Variants in USP28 observed in about 807,000 individuals in gnomAD.
USP28 encodes ubiquitin carboxyl-terminal hydrolase 28.
In USP28, 113 loss-of-function variants were observed where a neutral mutation model predicts 145.0. The ratio of observed to expected loss-of-function variants is 0.78; its 90% CI spans 0.67 to 0.91. The LOEUF is 0.91. USP28 is among the 40% of genes least tolerant of loss of function. The pLI is 0.00. For missense variants in USP28, 1,201 were observed against 1,289.6 expected, an observed-to-expected ratio of 0.93 and a Z score of 1.05; for synonymous variants, 447 against 450.9, an observed-to-expected ratio of 0.99 and a Z score of 0.11.
chr11:113,849,898 C>G (rs1037494719), intron 3 of USP28, among the ~76,000 whole-genome samples: 1 of 152,202 alleles, frequency 6.6e-6, no homozygotes, highest in Non-Finnish European at 1.5e-5. Context: ...CTGGGTTTTA[C>G]TATCCCAACA....
intron 15 of USP28, among the ~76,000 whole-genome samples, chr11:113,813,015 T>C (rs1019550496): frequency 6.6e-6 from 1 of 152,208 alleles, no homozygotes; most frequent in Non-Finnish European, 1.5e-5. Context: ...ATGACATACT[T>C]GTTTGTTACA....
At chr11:113,808,785 C>T (rs1290561371) in intron 17 of USP28, among the ~76,000 whole-genome samples, 1 of 152,320 alleles carries the variant, frequency 6.6e-6, no homozygotes, top group Non-Finnish European at 1.5e-5. Context: ...TACCTATTAA[C>T]CCTATCATAG....
At chr11:113,872,315 T>C (rs947492022) in intron 1 of USP28, among the ~76,000 whole-genome samples, 1 of 151,928 alleles carries the variant, frequency 6.6e-6, no homozygotes, top group African/African-American at 2.4e-5. Flanking sequence ...TGAAACCCCG[T>C]CTCTACTAAA....
At chr11:113,840,079 C>T (rs1945028782) in intron 5 of USP28, among the ~76,000 whole-genome samples, 1 of 152,144 alleles carries the variant, frequency 6.6e-6, no homozygotes, top group African/African-American at 2.4e-5. Flanking sequence ...CCAAATTATT[C>T]CTCCTCCAGG....
chr11:113,874,447 A>ATTTT, intron 1 of USP28: 1 of 1,105,550 alleles, frequency 9.0e-7, no homozygotes, highest in Non-Finnish European at 1.2e-6. Context: ...AAAAAAAAAA[A>ATTTT]AAGTGTCTCC....
At chr11:113,858,879 GA>G (rs1947349770) in intron 1 of USP28, among the ~76,000 whole-genome samples, 1 of 152,160 alleles carries the variant, frequency 6.6e-6, no homozygotes, top group African/African-American at 2.4e-5. Context: ...AAAGTGTTGG[GA>G]TTACAGGCAT....
At chr11:113,810,781 T>A (rs1940851376) in intron 16 of USP28, among the ~76,000 whole-genome samples, 1 of 152,196 alleles carries the variant, frequency 6.6e-6, no homozygotes, top group Non-Finnish European at 1.5e-5. Flanking sequence ...TTCAAGCAAT[T>A]CTCCTGCCTC....
intron 23 of USP28, among the ~76,000 whole-genome samples, chr11:113,802,869 T>C (rs552501995): frequency 6.6e-6 from 1 of 152,212 alleles, no homozygotes; most frequent in Non-Finnish European, 1.5e-5. Context: ...ATTTACAACC[T>C]AGTAGGAAAG....
intron 11 of USP28, among the ~76,000 whole-genome samples, chr11:113,826,336 C>CTTTTT (rs1565394775): frequency 1.7e-5 from 2 of 115,184 alleles, no homozygotes; most frequent in African/African-American, 6.3e-5. Context: ...CCACCACACC[C>CTTTTT]ATTTTTTTTT....
At chr11:113,822,454 AAAACAGAGAGAG>A (rs1181375553) in intron 12 of USP28, 2 of 119,670 alleles carry the variant, frequency 1.7e-5, no homozygotes, top group Non-Finnish European at 3.5e-5. Context: ...ATCTTCAAAA[AAAACAGAGAGAG>A]AGAGAGAGAG....
rs7944681 is a variant in USP28, at chr11:113,831,861, T to C, written c.833+59A>G. On this transcript the variant is annotated intron_variant, in intron 8 of 24. Transcript: ENST00000003302. ...TTAAGGAGAGTAACTTTCCAGCATATAATTCTCACTGGCCCACTGTGAGTC... is the reference window on the plus strand; with the variant it reads ...TTAAGGAGAGTAACTTTCCAGCATACAATTCTCACTGGCCCACTGTGAGTC... 3,368 of 1,535,296 alleles carry C rather than the reference T, an allele frequency of 2.2e-3. 63 individuals carry two copies. The African/African-American group carries it at 0.039, about 18-fold the overall frequency.
chr11:113,841,645 A>T lies in USP28; in HGVS notation c.374+18T>A. On this transcript the variant is annotated intron_variant, in intron 4 of 24. Coordinates refer to ENST00000003302, the Ensembl canonical transcript of USP28. ...CACACAAATGTGGGGGGCAAGAATTATAAGTTAAATCAATAACCTGTTAAG... is the reference window on the plus strand; with the variant it reads ...CACACAAATGTGGGGGGCAAGAATTTTAAGTTAAATCAATAACCTGTTAAG... 2 of 1,551,202 alleles carry T rather than the reference A, an allele frequency of 1.3e-6. No individual in the cohort carries two copies. Among genetic ancestry groups the T allele is most frequent in the Middle Eastern group, 3.4e-4 (2 of 5,902 alleles).
chr11:113,807,176 G>A (rs766876329), intron 18 of USP28, among the ~76,000 whole-genome samples: 14 of 151,774 alleles, frequency 9.2e-5, no homozygotes, highest in Non-Finnish European at 1.3e-4. Flanking sequence ...GGGTTCAAGC[G>A]GTTCTCCTGC....
At chr11:113,833,613 G>A (rs963524026) in intron 6 of USP28, 56 bp from the exon 7 acceptor site, 2 of 1,543,076 alleles carry the variant, frequency 1.3e-6, no homozygotes, top group East Asian at 2.3e-5. Flanking sequence ...AAATCAGAAC[G>A]TGTAAAGAAA....
chr11:113,856,167 T>C lies in USP28; in HGVS notation c.58-1832A>G, dbSNP rs561627774. Among the ~76,000 whole-genome samples the C allele has an allele frequency of 9.2e-5, 14 of 152,362 alleles. No homozygotes were observed. In the South Asian group the frequency reaches 2.9e-3, roughly 32 times the overall value. On this transcript the variant is annotated intron_variant, in intron 1 of 24. Transcript: ENST00000003302. Reference sequence around the variant, plus strand: ...TAGAAAAATTAAATACTAGTTGTTTTAAACTAATTCTAATTCCATTTGATT... The same window carrying C: ...TAGAAAAATTAAATACTAGTTGTTTCAAACTAATTCTAATTCCATTTGATT...
intron 3 of USP28, among the ~76,000 whole-genome samples, chr11:113,849,334 G>T (rs1303216686): frequency 1.3e-5 from 2 of 152,182 alleles, no homozygotes; most frequent in African/African-American, 4.8e-5. Flanking sequence ...GTTCCAAGGT[G>T]AATGGACAAC....
At position 113,809,124 on chromosome 11, in the gene USP28, G is replaced by A. The variant is rs763053790; in HGVS notation, c.2103C>T (p.Cys701=). The change falls in exon 17 of 25, where the codon TGC becomes TGT. Residue 701 remains cysteine (C), a synonymous_variant. Transcript: ENST00000003302. Reference sequence around the variant, plus strand: ...TGGAGGACTCCATTTGAGGGATTTTGCAAGACTGCTCTTCTTCCCACTCCT... The same window carrying A: ...TGGAGGACTCCATTTGAGGGATTTTACAAGACTGCTCTTCTTCCCACTCCT... The A allele has an allele frequency of 3.1e-6, 5 of 1,614,168 alleles. No homozygotes were observed. In the Admixed American group the frequency reaches 8.3e-5, roughly 27 times the overall value.
At chr11:113,837,945 ACT>A (rs755171397) in intron 5 of USP28, among the ~76,000 whole-genome samples, 2 of 151,506 alleles carry the variant, frequency 1.3e-5, no homozygotes, top group African/African-American at 2.4e-5. Flanking sequence ...TTAAAATCTG[ACT>A]CTGTCACTTC....
At position 113,875,464 on chromosome 11, in the gene USP28, GC is replaced by G. The variant is rs1273774183; in HGVS notation, c.37del (p.Ala13ArgfsTer13). The G allele has an allele frequency of 3.2e-6, 4 of 1,236,924 alleles. No homozygotes were observed. The highest frequency in any genetic ancestry group is 4.1e-6 in the Non-Finnish European group (4 of 985,702). 76.6% of individuals were successfully genotyped at this position (1,236,924 alleles called of 1,614,324 possible). On this transcript the variant is annotated frameshift_variant, in exon 1 of 25. Transcript: ENST00000003302. LOFTEE classifies it high-confidence loss of function. The stretch of plus-strand genomic sequence containing the variant: ...GCCCACCGAGCCGTGGCCGTCTGCC[GC>G]GCCGGCCGCGTCGTCCTGCTGCAGC...
Sources: gnomAD v4.1 joint callset for allele counts (sites outside exome capture counted in the v4.1 genomes callset) on GRCh38, gnomAD v4.1.1 for gene constraint, MANE v1.5 for transcripts, NCBI Gene and HGNC (gene_info 2026-07-23, HGNC 2026-07-21) for gene names.